ANKRD55: variants seen among roughly 807,000 people sequenced by gnomAD.
ANKRD55 encodes the protein ankyrin repeat domain-containing protein 55.
ANKRD55 carries 41 observed loss-of-function variants against 60.6 expected under a neutral mutation model. The ratio of observed to expected loss-of-function variants is 0.68; its 90% CI spans 0.53 to 0.88. The LOEUF is 0.88. Among genes scored for constraint, ANKRD55 ranks in the 40% least tolerant of loss-of-function variants. The pLI is 0.00. For synonymous variants in ANKRD55, 264 were observed against 290.3 expected, an observed-to-expected ratio of 0.91 and a Z score of 0.92; for missense variants, 732 against 767.6, an observed-to-expected ratio of 0.95 and a Z score of 0.55.
At chr5:56,103,940 T>C (rs1488301180) in intron 10 of ANKRD55, among the ~76,000 whole-genome samples, 3 of 152,220 alleles carry the variant, frequency 2.0e-5, no homozygotes, top group Non-Finnish European at 4.4e-5. Flanking sequence ...GCAATGTTAG[T>C]TGATGGAGAT....
intron 10 of ANKRD55, among the ~76,000 whole-genome samples, chr5:56,106,778 G>A (rs1756493348): frequency 6.6e-6 from 1 of 152,012 alleles, no homozygotes; most frequent in Admixed American, 6.6e-5. Context: ...GGCCAAGATG[G>A]GAGGATTGCT....
intron 6 of ANKRD55, among the ~76,000 whole-genome samples, chr5:56,158,691 C>A (rs1758254267): frequency 1.3e-5 from 2 of 152,124 alleles, no homozygotes; most frequent in African/African-American, 4.8e-5. Flanking sequence ...TCATCTTTTT[C>A]TTTTCTTTTT....
At chr5:56,207,089 C>T (rs988229029) in intron 2 of ANKRD55, among the ~76,000 whole-genome samples, 6 of 152,200 alleles carry the variant, frequency 3.9e-5, no homozygotes, top group African/African-American at 1.2e-4. Flanking sequence ...AGTGAATCGC[C>T]CTTCTATCCT....
intron 5 of ANKRD55, among the ~76,000 whole-genome samples, chr5:56,167,736 G>A (rs1213597382): frequency 6.6e-6 from 1 of 152,090 alleles, no homozygotes; most frequent in Admixed American, 6.6e-5. Flanking sequence ...TGGGCTGTTA[G>A]GTACAGTTTC....
chr5:56,126,058 T>C (rs535144283), intron 8 of ANKRD55, among the ~76,000 whole-genome samples: 32 of 152,096 alleles, frequency 2.1e-4, no homozygotes, highest in African/African-American at 7.2e-4. Context: ...CGCTTGGACC[T>C]GGGAGGTGGA....
intron 2 of ANKRD55, among the ~76,000 whole-genome samples, chr5:56,196,743 G>C (rs1277865073): frequency 6.6e-6 from 1 of 152,126 alleles, no homozygotes; most frequent in Non-Finnish European, 1.5e-5. Context: ...TTAAACTGTG[G>C]TTAGCATACT....
Position 56,123,588 on chromosome 5 carries a change from T to C in ANKRD55, c.797+3334A>G, listed in dbSNP as rs74950290. 7.9e-3 allele frequency among the ~76,000 whole-genome samples: 1,205 copies of C among 152,182 alleles called. 21 individuals are homozygous for C. The highest frequency in any genetic ancestry group is 0.028 in the African/African-American group (1,145 of 41,466). On this transcript the variant is annotated intron_variant, in intron 8 of 11. Coordinates refer to ENST00000341048, the MANE Select transcript of ANKRD55 (RefSeq NM_024669.3). ...AGATTATGTCCTCCCATTTAGACAG[T>C]GTATTGCCAATAAATTCAGCAGATG...
intron 10 of ANKRD55, chr5:56,108,385 T>G (rs1756560927): frequency 1.3e-5 from 2 of 152,140 alleles, no homozygotes; most frequent in Admixed American, 6.5e-5. Context: ...ACAGGATGGG[T>G]TGAGGCCCTG....
intron 2 of ANKRD55, among the ~76,000 whole-genome samples, chr5:56,210,419 G>A (rs889906190): frequency 1.3e-5 from 2 of 151,840 alleles, no homozygotes; most frequent in South Asian, 2.1e-4. Flanking sequence ...AAAATTAGCC[G>A]GGTGCGGTGG....
chr5:56,106,538 C>G (rs1337826717), intron 10 of ANKRD55, among the ~76,000 whole-genome samples: 1 of 151,642 alleles, frequency 6.6e-6, no homozygotes, highest in African/African-American at 2.4e-5. Flanking sequence ...ATTCTCCCAC[C>G]TCAGCCTCCA....
intron 8 of ANKRD55, among the ~76,000 whole-genome samples, chr5:56,121,596 C>T (rs561367662): frequency 6.6e-6 from 1 of 152,112 alleles, no homozygotes; most frequent in East Asian, 1.9e-4. Context: ...TGGTCTCGAT[C>T]TCCTGACCTC....
intron 10 of ANKRD55, among the ~76,000 whole-genome samples, chr5:56,109,672 A>G (rs950172053): frequency 6.6e-6 from 1 of 152,214 alleles, no homozygotes; most frequent in Non-Finnish European, 1.5e-5. Context: ...TAAATTCTTT[A>G]GTGCGATAAA....
At chr5:56,113,536 C>T (rs540896945) in intron 9 of ANKRD55, among the ~76,000 whole-genome samples, 6 of 152,236 alleles carry the variant, frequency 3.9e-5, no homozygotes, top group Non-Finnish European at 5.9e-5. Context: ...GTTTGAGTCG[C>T]GGGCTGAACC....
Position 56,111,706 on chromosome 5 carries a change from G to A in ANKRD55, c.1042C>T (p.Gln348Ter). The A allele has an allele frequency of 6.6e-7, 1 of 1,521,952 alleles. No homozygotes were observed. Among genetic ancestry groups the A allele is most frequent in the Non-Finnish European group, 8.8e-7 (1 of 1,140,058 alleles). 94.3% of individuals were successfully genotyped at this position (1,521,952 alleles called of 1,614,324 possible). The change falls in exon 10 of 12, where the codon CAA becomes TAA. Residue 348 changes from glutamine (Q) to a stop codon, truncating the protein, a stop_gained. Coordinates refer to ENST00000341048, the MANE Select transcript of ANKRD55 (RefSeq NM_024669.3). LOFTEE classifies it high-confidence loss of function. ...KKERRFNVLN[Q>*]IFCKNKKEEQ... ...TCTTTCTTGTTTTTGCAGAATATTT[G>A]GTTGAGCACGTTGAACCGTCTCTCC...
In ANKRD55 at chr5:56,207,111, C is replaced by T. The variant is rs538791761; in HGVS notation, c.59-23477G>A. ...CGCCCTTCTATCCTCTCCTCCCCTT[C>T]CCCCCTTGGAAGTTCCCTTCCATGA... On this transcript the variant is annotated intron_variant, in intron 2 of 11. Coordinates refer to ENST00000341048, the MANE Select transcript of ANKRD55 (RefSeq NM_024669.3). 1.8e-4 allele frequency among the ~76,000 whole-genome samples: 27 copies of T among 152,240 alleles called. No individual in the cohort carries two copies. The South Asian group carries it at 5.4e-3, about 30-fold the overall frequency.
At chr5:56,192,756 G>A in intron 2 of ANKRD55, 1 of 1,242,406 alleles carries the variant, frequency 8.0e-7, no homozygotes, top group Non-Finnish European at 1.2e-6. Flanking sequence ...GCAGATTCTA[G>A]CCAACGTAAA....
intron 5 of ANKRD55, among the ~76,000 whole-genome samples, chr5:56,164,777 C>T (rs1362191181): frequency 6.6e-6 from 1 of 152,154 alleles, no homozygotes; most frequent in East Asian, 1.9e-4. Context: ...AAAACTTGGA[C>T]CTGCTGAGAA....
chr5:56,176,325 A>G, intron 3 of ANKRD55, 43 bp from the exon 4 acceptor site: 1 of 1,612,282 alleles, frequency 6.2e-7, no homozygotes, highest in Non-Finnish European at 8.5e-7. Flanking sequence ...TGTGTGACCC[A>G]TGAAACTGAT....
chr5:56,100,363 G>A, intron 11 of ANKRD55, 59 bp from the exon 12 acceptor site: 2 of 1,602,670 alleles, frequency 1.2e-6, no homozygotes, highest in South Asian at 2.2e-5. Context: ...CAGGAAGGCG[G>A]CAGGAGAATT....
Sources: allele counts gnomAD v4.1 joint callset (sites outside exome capture counted in the v4.1 genomes callset), GRCh38; gene constraint gnomAD v4.1.1; transcripts MANE v1.5; gene names NCBI Gene and HGNC (gene_info 2026-07-23, HGNC 2026-07-21).